NSD2: variants seen among roughly 807,000 people sequenced by gnomAD.
NSD2 encodes the protein histone-lysine N-methyltransferase NSD2.
NSD2 carries 12 observed loss-of-function variants against 139.0 expected under a neutral mutation model. That is an observed-to-expected ratio of 0.09 (90% CI 0.06 to 0.14). NSD2 has a LOEUF of 0.14. Among genes scored for constraint, NSD2 ranks in the 10% least tolerant of loss-of-function variants. The pLI, the probability that NSD2 is intolerant of heterozygous loss-of-function variation, is 1.00. For missense variants in NSD2, 1,155 were observed against 1,745.0 expected (o/e 0.66, Z 6.02); for synonymous variants, 669 against 648.7 (o/e 1.03, Z -0.48).
chr4:1,880,687 C>T (rs941278279), intron 1 of NSD2, among the ~76,000 whole-genome samples: 1 of 151,442 alleles, frequency 6.6e-6, no homozygotes, highest in African/African-American at 2.4e-5. Context: ...AATACAGGGG[C>T]AAGAGAAATA....
At chr4:1,938,401 C>CTTTTTTTTTCTTTTTTTTTT (rs1722674160) in intron 7 of NSD2, 50 bp from the exon 8 acceptor site, 1 of 854,920 alleles carries the variant, frequency 1.2e-6, no homozygotes, top group African/African-American at 2.8e-5. Flanking sequence ...TTTTTCTTTT[C>CTTTTTTTTTCTTTTTTTTTT]TTTTTTTTTT....
intron 1 of NSD2, among the ~76,000 whole-genome samples, chr4:1,875,784 C>T (rs1287854149): frequency 4.0e-5 from 6 of 150,790 alleles, no homozygotes; most frequent in Non-Finnish European, 7.4e-5. Flanking sequence ...TGGTGGACGC[C>T]TGTAGTCCCA....
intron 1 of NSD2, among the ~76,000 whole-genome samples, chr4:1,879,078 T>G (rs1416725173): frequency 6.6e-6 from 1 of 152,210 alleles, no homozygotes; most frequent in Non-Finnish European, 1.5e-5. Flanking sequence ...CCTAAAAATG[T>G]GTCTCTGGAG....
chr4:1,898,635 G>C (rs1186807329), intron 1 of NSD2, among the ~76,000 whole-genome samples: 5 of 150,770 alleles, frequency 3.3e-5, no homozygotes, highest in Non-Finnish European at 7.4e-5. Context: ...AGTCCAACCT[G>C]GGTGACAGAG....
In NSD2 at chr4:1,955,672, C is replaced by T. The variant is rs764520817; in HGVS notation, c.2519-21C>T. On this transcript the variant is annotated intron_variant, in intron 13 of 21. Transcript: ENST00000508803. This position sits in a 1 kb window ranked among gnomAD's most constrained non-coding sequence, Gnocchi z 4.7. Reference sequence around the variant, plus strand: ...CCATAGCAGACAGGCTAAGCCTGGCCGCCTCGCCCTCCTCTTGCAGGGGGG... The same window carrying T: ...CCATAGCAGACAGGCTAAGCCTGGCTGCCTCGCCCTCCTCTTGCAGGGGGG... The T allele has an allele frequency of 5.0e-6, 8 of 1,603,188 alleles. No homozygotes were observed. The highest frequency in any genetic ancestry group is 4.0e-5 in the African/African-American group (3 of 74,742).
chr4:1,891,978 T>C (rs1008239830), intron 1 of NSD2, among the ~76,000 whole-genome samples: 1 of 152,002 alleles, frequency 6.6e-6, no homozygotes, highest in Non-Finnish European at 1.5e-5. Context: ...GCCTCCCCAT[T>C]GCCCTCTATG....
chr4:1,940,108 T>G, intron 9 of NSD2: 1 of 1,171,790 alleles, frequency 8.5e-7, no homozygotes, highest in Non-Finnish European at 1.1e-6. Context: ...AGAGTTCACA[T>G]GGAAGTAAGT....
chr4:1,949,533 C>G (rs1003050392), intron 9 of NSD2, among the ~76,000 whole-genome samples: 1 of 152,046 alleles, frequency 6.6e-6, no homozygotes, highest in African/African-American at 2.4e-5. Context: ...GAGGCCAAGG[C>G]GGGTGGATCA....
At chr4:1,885,977 ATT>A (rs534430978) in intron 1 of NSD2, among the ~76,000 whole-genome samples, 160 of 152,364 alleles carry the variant, frequency 1.1e-3, no homozygotes, top group African/African-American at 3.7e-3. Flanking sequence ...CAGAAAATAT[ATT>A]TTATGAATAA....
chr4:1,979,155 GT>G lies in NSD2; in HGVS notation c.*248del. The G allele has an allele frequency of 2.4e-6, 1 of 415,020 alleles. No homozygotes were observed. Among genetic ancestry groups the G allele is most frequent in the Non-Finnish European group, 4.2e-6 (1 of 238,396 alleles). 25.7% of individuals were successfully genotyped at this position (415,020 alleles called of 1,614,324 possible). On this transcript the variant is annotated 3_prime_UTR_variant, in exon 22 of 22. Coordinates refer to ENST00000508803, the MANE Select transcript of NSD2 (RefSeq NM_001042424.3). ...TGGACAAACAGCCTCACTCCTCAGCGTTACCGCCACACTTGAATTTCTCCGA... is the reference window on the plus strand; with the variant it reads ...TGGACAAACAGCCTCACTCCTCAGCGTACCGCCACACTTGAATTTCTCCGA...
At chr4:1,875,554 A>G (rs896245082) in intron 1 of NSD2, among the ~76,000 whole-genome samples, 4 of 152,252 alleles carry the variant, frequency 2.6e-5, no homozygotes, top group Non-Finnish European at 5.9e-5. Context: ...GGCCTGCAGT[A>G]TAGCTTTTTA....
intron 12 of NSD2, chr4:1,954,517 TTTTG>T (rs1376636549): frequency 1.3e-5 from 2 of 152,012 alleles, no homozygotes; most frequent in African/African-American, 2.4e-5. Flanking sequence ...GCCTGGCTAA[TTTTG>T]TTTATTTTTT....
intron 1 of NSD2, among the ~76,000 whole-genome samples, chr4:1,876,433 G>C (rs535177708): frequency 6.6e-6 from 1 of 152,184 alleles, no homozygotes; most frequent in Non-Finnish European, 1.5e-5. Context: ...GCTCATGCCT[G>C]TAATTGCAGC....
chr4:1,889,152 C>G (rs539766727), intron 1 of NSD2, among the ~76,000 whole-genome samples: 2 of 152,274 alleles, frequency 1.3e-5, no homozygotes, highest in Admixed American at 1.3e-4. Context: ...CCCGCTTTGG[C>G]CTCCCAAAGT....
At chr4:1,878,702 T>G (rs1714484734) in intron 1 of NSD2, among the ~76,000 whole-genome samples, 2 of 150,726 alleles carry the variant, frequency 1.3e-5, no homozygotes, top group African/African-American at 2.4e-5. Context: ...TGAAGGGGAG[T>G]GGTGTGAGCA....
rs1725167319 is a variant in NSD2, at chr4:1,959,587, C to T, written c.3102C>T (p.Asn1034=). 6.2e-7 allele frequency: 1 copy of T among 1,614,170 alleles called. No individual in the cohort carries two copies. The highest frequency in any genetic ancestry group is 8.5e-7 in the Non-Finnish European group (1 of 1,180,042). Residue 1034 remains asparagine, a synonymous_variant, in exon 17 of 22, where the codon AAC becomes AAT. Transcript: ENST00000508803. ...GTGGCTTTGATTCGGAGTGTCTGAA[C>T]AGGATGCTGATGTTTGAGTGCCACC... The part of the protein sequence containing the change: ...NPCGFDSECL[N]RMLMFECHPQ...
intron 5 of NSD2, among the ~76,000 whole-genome samples, chr4:1,921,484 T>C (rs1023130175): frequency 2.7e-5 from 4 of 148,254 alleles, no homozygotes; most frequent in East Asian, 2.1e-4. Context: ...GCATTCTCTT[T>C]AAAATCATGA....
intron 18 of NSD2, among the ~76,000 whole-genome samples, chr4:1,970,872 C>T (rs1577572933): frequency 6.6e-6 from 1 of 152,210 alleles, no homozygotes; most frequent in African/African-American, 2.4e-5. Flanking sequence ...AATCAAGCAG[C>T]TCCTCTGCCT....
intron 3 of NSD2, among the ~76,000 whole-genome samples, chr4:1,904,694 A>G (rs1339432866): frequency 6.6e-6 from 1 of 152,204 alleles, no homozygotes; most frequent in South Asian, 2.1e-4. Flanking sequence ...AGAGTGTTTT[A>G]TGCTAAGTTT....
Sources: allele counts gnomAD v4.1 joint callset (sites outside exome capture counted in the v4.1 genomes callset), GRCh38; gene constraint gnomAD v4.1.1; non-coding constraint Gnocchi (gnomAD v3.1); transcripts MANE v1.5; gene names NCBI Gene and HGNC (gene_info 2026-07-23, HGNC 2026-07-21).